The following DEGS2 variants were observed in gnomAD, a reference collection of about 807,000 sequenced individuals.
The protein encoded by DEGS2 is sphingolipid delta(4)-desaturase/C4-monooxygenase DES2.
Under a neutral mutation model 23.8 loss-of-function variants are expected in DEGS2, and 19 were observed. The observed-to-expected ratio is 0.80, with a 90% confidence interval of 0.56 to 1.17. The LOEUF is 1.17. Ranked by LOEUF, DEGS2 falls within the 50% of genes most tolerant of loss-of-function variation. DEGS2 has a pLI of 0.00. For synonymous variants in DEGS2, 218 were observed against 213.7 expected, an observed-to-expected ratio of 1.02 and a Z score of -0.18; for missense variants, 390 against 459.5, an observed-to-expected ratio of 0.85 and a Z score of 1.38.
chr14:100,148,225 G>A (rs549671447), intron 2 of DEGS2, among the ~76,000 whole-genome samples: 93 of 152,344 alleles, frequency 6.1e-4, no homozygotes, highest in African/African-American at 2.2e-3. Flanking sequence ...ACGTGGGCAG[G>A]CACCCACACA....
At position 100,146,913 on chromosome 14, in the gene DEGS2, G is replaced by C; in HGVS notation, c.826-6C>G. 6.2e-7 allele frequency: 1 copy of C among 1,611,368 alleles called. No individual in the cohort carries two copies. Among genetic ancestry groups the C allele is most frequent in the Non-Finnish European group, 8.5e-7 (1 of 1,178,908 alleles). ...TCGGGCGCGATCTTCCGCACCTGTA[G>C]AGAGGAGGGCGGGGCTCAGGGGCTG... On this transcript the variant is annotated splice_polypyrimidine_tract_variant and splice_region_variant and intron_variant, in intron 2 of 2. Coordinates refer to ENST00000305631, the MANE Select transcript of DEGS2 (RefSeq NM_206918.3).
chr14:100,159,684 G>A (rs1488991231), upstream of DEGS2: 5 of 609,346 alleles, frequency 8.2e-6, 1 homozygote, highest in South Asian at 4.2e-5. Flanking sequence ...TTAGGGCGGG[G>A]GCGGGGTCCC....
chr14:100,151,427 C>T (rs574583601), intron 1 of DEGS2, among the ~76,000 whole-genome samples: 6 of 152,324 alleles, frequency 3.9e-5, no homozygotes, highest in South Asian at 2.1e-4. Flanking sequence ...CAGCACAGGG[C>T]GCGACTCAAG....
chr14:100,147,666 C>CT (rs1456545631), intron 2 of DEGS2, among the ~76,000 whole-genome samples: 3 of 147,448 alleles, frequency 2.0e-5, no homozygotes, highest in Admixed American at 1.3e-4. Flanking sequence ...CTGCCCCCCC[C>CT]CCCCAGGATG....
At chr14:100,165,473 C>T in the DEGS2 span, among the ~76,000 whole-genome samples, 1 of 152,266 alleles carries the variant, frequency 6.6e-6, no homozygotes, top group Non-Finnish European at 1.5e-5. Context: ...GCAACATCCC[C>T]TGATTTGTGG....
Position 100,145,083 on chromosome 14 carries a change from GC to G in DEGS2, c.*1677del, listed in dbSNP as rs377644354. The G allele has an allele frequency of 0.021, 3,159 of 152,620 alleles. 49 individuals are homozygous for G. The highest frequency in any genetic ancestry group is 0.057 in the Middle Eastern group (17 of 300). 9.5% of individuals were successfully genotyped at this position (152,620 alleles called of 1,614,324 possible). On this transcript the variant is annotated 3_prime_UTR_variant, in exon 3 of 3. Coordinates refer to ENST00000305631, the MANE Select transcript of DEGS2 (RefSeq NM_206918.3). ...AGCTGCTCTCTCCCGCTTCCCTGCC[GC>G]CCCCCAGGCCAGGAGGGCTCCCCCC...
At chr14:100,159,677 G>C (rs1284785842), upstream of DEGS2, 4 of 644,030 alleles carry the variant, frequency 6.2e-6, no homozygotes, top group East Asian at 1.4e-4. Context: ...GCTCTGATTA[G>C]GGCGGGGGCG....
intron 1 of DEGS2, among the ~76,000 whole-genome samples, chr14:100,157,376 G>A (rs1481705714): frequency 6.6e-6 from 1 of 152,350 alleles, no homozygotes; most frequent in Non-Finnish European, 1.5e-5. Flanking sequence ...CCTGTGAAGT[G>A]AAGCTGGGGA....
In DEGS2 at chr14:100,144,176, ACTGT is replaced by A. The variant is rs1002879298; in HGVS notation, c.*2581_*2584del. On this transcript the variant is annotated 3_prime_UTR_variant, in exon 3 of 3. Coordinates refer to ENST00000305631, the MANE Select transcript of DEGS2 (RefSeq NM_206918.3). ...CGTCCCCAGCGCTCATGGTGTTGAAACTGTCTGTCATGCACCACGGTGTCTGTGT... is the reference window on the plus strand; with the variant it reads ...CGTCCCCAGCGCTCATGGTGTTGAAACTGTCATGCACCACGGTGTCTGTGT... 19 of 191,476 alleles carry A rather than the reference ACTGT, an allele frequency of 9.9e-5. No homozygotes were observed. Among genetic ancestry groups the A allele is most frequent in the African/African-American group, 4.0e-4 (17 of 42,454 alleles). 11.9% of individuals were successfully genotyped at this position (191,476 alleles called of 1,614,324 possible).
At chr14:100,150,276 C>T (rs982831871) in intron 1 of DEGS2, among the ~76,000 whole-genome samples, 1 of 152,144 alleles carries the variant, frequency 6.6e-6, no homozygotes, top group African/African-American at 2.4e-5. Context: ...ACCGCAGGTC[C>T]GAAGGCACCA....
intron 1 of DEGS2, among the ~76,000 whole-genome samples, chr14:100,155,875 C>A (rs1889648739): frequency 6.6e-6 from 1 of 151,358 alleles, no homozygotes; most frequent in Non-Finnish European, 1.5e-5. Context: ...AAAAAAAAAA[C>A]AAACCCAGAG....
chr14:100,147,876 C>G (rs1889480533), intron 2 of DEGS2, among the ~76,000 whole-genome samples: 1 of 152,120 alleles, frequency 6.6e-6, no homozygotes, highest in Admixed American at 6.5e-5. Context: ...GGCACCTCTC[C>G]CCTCCGCCCC....
At chr14:100,160,494 G>C (rs954465926), upstream of DEGS2, among the ~76,000 whole-genome samples, 1 of 152,226 alleles carries the variant, frequency 6.6e-6, no homozygotes, top group Admixed American at 6.5e-5. Flanking sequence ...GGAAAGTCTA[G>C]TTTTGGGGAG....
At chr14:100,165,908 T>A in the DEGS2 span, among the ~76,000 whole-genome samples, 1 of 102,628 alleles carries the variant, frequency 9.7e-6, no homozygotes, top group African/African-American at 3.9e-5. Flanking sequence ...GGAGGCCCCC[T>A]GAAGTGGGGT....
At chr14:100,147,937 C>CA (rs1265264008) in intron 2 of DEGS2, among the ~76,000 whole-genome samples, 2 of 152,270 alleles carry the variant, frequency 1.3e-5, no homozygotes, top group South Asian at 4.1e-4. Context: ...CTTATCTATA[C>CA]AACAGGGATA....
upstream of DEGS2, among the ~76,000 whole-genome samples, chr14:100,162,234 A>C (rs1889757639): frequency 6.6e-6 from 1 of 151,480 alleles, no homozygotes; most frequent in African/African-American, 2.4e-5. Flanking sequence ...CTGTAGTCCC[A>C]GCTACTCGGG....
Position 100,144,125 on chromosome 14 carries a change from A to G in DEGS2, c.*2636T>C, listed in dbSNP as rs1411088187. On this transcript the variant is annotated 3_prime_UTR_variant, in exon 3 of 3. Transcript: ENST00000305631. ...CCGGCCCAGCGTGGCGCCACCACAC[A>G]CCGCAGAGCTGTCCAGGCACAGCTC... 4.2e-5 allele frequency: 12 copies of G among 287,738 alleles called. No homozygotes were observed. The highest frequency in any genetic ancestry group is 8.0e-5 in the Non-Finnish European group (12 of 150,588). 17.8% of individuals were successfully genotyped at this position (287,738 alleles called of 1,614,324 possible).
rs201554526 is a variant in DEGS2, at chr14:100,148,995, G to A, written c.798C>T (p.Pro266=). The change falls in exon 2 of 3, where the codon CCC becomes CCT. Residue 266 remains proline, a synonymous_variant. Coordinates refer to ENST00000305631, the MANE Select transcript of DEGS2 (RefSeq NM_206918.3). The stretch of plus-strand genomic sequence containing the variant: ...GCGGCAGGTTGTAGCCCGGGATGCT[G>A]GGGAAGTCGTGGTGCTCCACGTGGT... ...VGYHVEHHDF[P]SIPGYNLPLV... 2.5e-6 allele frequency: 4 copies of A among 1,612,516 alleles called. No homozygotes were observed. The African/African-American group carries it at 5.3e-5, about 22-fold the overall frequency.
At chr14:100,146,969 C>T (rs1403561216) in intron 2 of DEGS2, 62 bp from the exon 3 acceptor site, 2 of 1,567,826 alleles carry the variant, frequency 1.3e-6, no homozygotes, top group African/African-American at 1.4e-5. Context: ...CGCGAGCACA[C>T]ACGCAGACAC....
Sources: gnomAD v4.1 joint callset for allele counts (sites outside exome capture counted in the v4.1 genomes callset) on GRCh38, gnomAD v4.1.1 for gene constraint, MANE v1.5 for transcripts, NCBI Gene and HGNC (gene_info 2026-07-23, HGNC 2026-07-21) for gene names.